Variants in ZFHX3 observed in about 807,000 individuals in gnomAD.
The protein encoded by ZFHX3 is zinc finger homeobox protein 3.
A neutral mutation model predicts 279.1 loss-of-function variants in ZFHX3; 42 were observed. The observed-to-expected ratio is 0.15, with a 90% CI of 0.12 to 0.19. The LOEUF (loss-of-function observed/expected upper bound fraction) is 0.19. ZFHX3 is among the 10% of genes least tolerant of loss of function. The pLI, the probability that ZFHX3 is intolerant of heterozygous loss-of-function variation, is 1.00. For synonymous variants in ZFHX3, 2,293 were observed against 1,957.8 expected (o/e 1.17, Z -4.52); for missense variants, 4,981 against 4,754.0 (o/e 1.05, Z -1.40).
chr16:73,854,643 G>A (rs1232067694), intron 1 of ZFHX3, among the ~76,000 whole-genome samples: 1 of 147,518 alleles, frequency 6.8e-6, no homozygotes, highest in Non-Finnish European at 1.5e-5. Context: ...TATTTTCTCT[G>A]GTTAAATAGA....
At chr16:72,837,474 ATTT>A (rs761762599) in intron 4 of ZFHX3, among the ~76,000 whole-genome samples, 61 of 125,172 alleles carry the variant, frequency 4.9e-4, no homozygotes, top group Admixed American at 1.2e-3. Flanking sequence ...TCCAATGATG[ATTT>A]TTTTTTTTTT....
At chr16:73,019,381 C>CGTGTGT (rs1242839837) in intron 1 of ZFHX3, among the ~76,000 whole-genome samples, 4 of 151,918 alleles carry the variant, frequency 2.6e-5, no homozygotes, top group Non-Finnish European at 4.4e-5. Flanking sequence ...TGTGCGTGTG[C>CGTGTGT]GTGTCTGCAC....
At position 72,788,831 on chromosome 16, in the gene ZFHX3, G is replaced by T. The variant is rs1158043421; in HGVS notation, c.9445C>A (p.Pro3149Thr). 2.6e-6 allele frequency: 4 copies of T among 1,521,088 alleles called. No homozygotes were observed. The highest frequency in any genetic ancestry group is 3.5e-6 in the Non-Finnish European group (4 of 1,137,266). The allele number at this position is 1,521,088 out of a possible 1,614,324, so 94.2% of individuals were successfully genotyped here. Reference protein sequence around the residue: ...PSNTALTSPKPNLMGLPSTTV... With the variant: ...PSNTALTSPKTNLMGLPSTTV... The stretch of plus-strand genomic sequence containing the variant: ...GTGCTGGGCAGACCCATCAAGTTCG[G>T]CTTAGGAGACGTTAAAGCTGAAAGG... Residue 3149 changes from proline to threonine, a missense_variant, in exon 10 of 10, where the codon CCG (proline) becomes ACG (threonine). By Grantham distance (38) the Pro-to-Thr change is conservative. Around this residue, in one of 7 missense-constraint regions of ZFHX3, gnomAD observed 1,034 missense variants for 786.0 expected, o/e 1.32. Coordinates refer to ENST00000268489, the MANE Select transcript of ZFHX3 (RefSeq NM_006885.4).
At chr16:73,432,784 C>T (rs2017931107) in intron 3 of ZFHX3, among the ~76,000 whole-genome samples, 1 of 151,890 alleles carries the variant, frequency 6.6e-6, no homozygotes, top group Admixed American at 6.6e-5. Flanking sequence ...TGTTTTTCTT[C>T]TTCTTTTTTT....
chr16:73,874,713 A>G (rs1196794444), intron 1 of ZFHX3, among the ~76,000 whole-genome samples: 1 of 152,234 alleles, frequency 6.6e-6, no homozygotes, highest in African/African-American at 2.4e-5. Flanking sequence ...CACGTTTAAA[A>G]AATATCTCAA....
At chr16:73,733,123 T>G (rs1429470830) in intron 1 of ZFHX3, among the ~76,000 whole-genome samples, 2 of 152,232 alleles carry the variant, frequency 1.3e-5, no homozygotes, top group African/African-American at 4.8e-5. Context: ...AGTTCTGAAT[T>G]TCTATTTCTC....
At chr16:73,690,476 A>G (rs1475780628) in intron 1 of ZFHX3, among the ~76,000 whole-genome samples, 1 of 152,204 alleles carries the variant, frequency 6.6e-6, no homozygotes, top group Non-Finnish European at 1.5e-5. Context: ...CCTTGCAAAC[A>G]TGAACTTGAA....
chr16:73,808,178 G>C (rs1358885992), intron 1 of ZFHX3, among the ~76,000 whole-genome samples: 1 of 135,238 alleles, frequency 7.4e-6, no homozygotes, highest in Non-Finnish European at 1.5e-5. Context: ...GGAAGAAAAA[G>C]GGAAGAAAAA....
chr16:73,171,742 T>A (rs923560972), intron 5 of ZFHX3, among the ~76,000 whole-genome samples: 3 of 152,180 alleles, frequency 2.0e-5, no homozygotes, highest in African/African-American at 7.2e-5. Context: ...TACTAACTCT[T>A]GTTTATGGGA....
chr16:72,944,791 C>T (rs1213649291), intron 3 of ZFHX3, among the ~76,000 whole-genome samples: 1 of 151,940 alleles, frequency 6.6e-6, no homozygotes, highest in East Asian at 1.9e-4. Flanking sequence ...GAATACAATA[C>T]TATTCTAAAA....
chr16:72,985,268 C>T (rs1462558192), intron 1 of ZFHX3, among the ~76,000 whole-genome samples: 1 of 152,032 alleles, frequency 6.6e-6, no homozygotes, highest in Non-Finnish European at 1.5e-5. Flanking sequence ...TCATCTCAGG[C>T]GCCACCGACA....
At chr16:73,760,848 G>A (rs1461219388) in intron 1 of ZFHX3, among the ~76,000 whole-genome samples, 2 of 152,050 alleles carry the variant, frequency 1.3e-5, no homozygotes, top group Non-Finnish European at 2.9e-5. Context: ...AGCCATTTAT[G>A]ACAAATCCAT....
intron 7 of ZFHX3, among the ~76,000 whole-genome samples, chr16:73,117,743 C>T (rs961112271): frequency 1.2e-4 from 19 of 152,152 alleles, no homozygotes; most frequent in African/African-American, 4.6e-4. Flanking sequence ...AAGGTGAGGC[C>T]TTTGGGAGGT....
chr16:73,249,207 A>C (rs546244325), intron 5 of ZFHX3, among the ~76,000 whole-genome samples: 1 of 152,356 alleles, frequency 6.6e-6, no homozygotes, highest in East Asian at 1.9e-4. Flanking sequence ...CTCTAAAGTT[A>C]GTAACTTGTT....
At chr16:73,733,058 T>G (rs2053582355) in intron 1 of ZFHX3, among the ~76,000 whole-genome samples, 1 of 152,084 alleles carries the variant, frequency 6.6e-6, no homozygotes, top group Admixed American at 6.6e-5. Flanking sequence ...TGTAATAAAT[T>G]ATTTAGGCAG....
Position 72,959,704 on chromosome 16 carries a change from T to C in ZFHX3, c.442A>G (p.Ser148Gly). 6.2e-7 allele frequency: 1 copy of C among 1,613,908 alleles called. No individual in the cohort carries two copies. Among genetic ancestry groups the C allele is most frequent in the Non-Finnish European group, 8.5e-7 (1 of 1,180,000 alleles). The change falls in exon 2 of 10, where the codon AGC (serine) becomes GGC (glycine). Residue 148 changes from serine to glycine, a missense_variant. Physicochemically the swap from Ser to Gly is moderately conservative, Grantham distance 56. Around this residue, in one of 7 missense-constraint regions of ZFHX3, gnomAD observed 1,068 missense variants for 935.2 expected, o/e 1.14. Coordinates refer to ENST00000268489, the MANE Select transcript of ZFHX3 (RefSeq NM_006885.4). ...DGSAYIVESL[S>G]QLTQGGGACG... ...GCGCCCCCGCCCTGGGTCAGCTGGC[T>C]CAGGCTCTCCACAATGTACGCGGAG...
intron 2 of ZFHX3, among the ~76,000 whole-genome samples, chr16:73,593,211 T>C (rs1464807934): frequency 6.6e-6 from 1 of 152,134 alleles, no homozygotes; most frequent in Non-Finnish European, 1.5e-5. Context: ...ACAAACACTT[T>C]TAATATTACT....
At chr16:72,826,066 C>T (rs1367106699) in intron 5 of ZFHX3, among the ~76,000 whole-genome samples, 1 of 152,158 alleles carries the variant, frequency 6.6e-6, no homozygotes, top group Non-Finnish European at 1.5e-5. Flanking sequence ...GGAACTCTGC[C>T]CAGTGCCTCG....
At chr16:73,146,543 G>A (rs1286692488) in intron 5 of ZFHX3, among the ~76,000 whole-genome samples, 1 of 152,136 alleles carries the variant, frequency 6.6e-6, no homozygotes, top group Non-Finnish European at 1.5e-5. Flanking sequence ...AAGCATGAAT[G>A]GGAGAACGGC....
Sources: allele counts gnomAD v4.1 joint callset (sites outside exome capture counted in the v4.1 genomes callset), GRCh38; gene constraint gnomAD v4.1.1; regional missense constraint gnomAD v4.1.1; transcripts MANE v1.5; gene names NCBI Gene and HGNC (gene_info 2026-07-23, HGNC 2026-07-21).